TRIM14: variants seen among roughly 807,000 people sequenced by gnomAD.
The protein encoded by TRIM14 is tripartite motif-containing protein 14.
Under a neutral mutation model 44.5 loss-of-function variants are expected in TRIM14, and 28 were observed. The observed-to-expected ratio is 0.63, with a 90% CI of 0.47 to 0.86. The LOEUF is 0.86. Ranked by LOEUF, TRIM14 falls within the 40% of genes least tolerant of loss-of-function variation. The pLI, the probability that TRIM14 is intolerant of heterozygous loss-of-function variation, is 0.00. For synonymous variants in TRIM14, 299 were observed against 269.2 expected (o/e 1.11, Z -1.08); for missense variants, 607 against 611.1 (o/e 0.99, Z 0.07).
intron 1 of TRIM14, among the ~76,000 whole-genome samples, chr9:98,117,616 A>G (rs937528724): frequency 1.3e-5 from 2 of 152,146 alleles, no homozygotes; most frequent in Non-Finnish European, 1.5e-5. Context: ...TTTAATGTAA[A>G]TTCTTGGTAA....
the TRIM14 span, among the ~76,000 whole-genome samples, chr9:98,058,459 A>G: frequency 6.6e-6 from 1 of 152,206 alleles, no homozygotes; most frequent in Non-Finnish European, 1.5e-5. Flanking sequence ...AGTATAATAA[A>G]TACAGTAAGG....
intron 2 of TRIM14, among the ~76,000 whole-genome samples, chr9:98,101,109 G>A (rs1826372395): frequency 6.6e-6 from 1 of 151,652 alleles, no homozygotes; most frequent in Non-Finnish European, 1.5e-5. Context: ...CTGAGTAGCT[G>A]GGATTACAAG....
chr9:98,043,642 A>T, the TRIM14 span, among the ~76,000 whole-genome samples: 13 of 152,142 alleles, frequency 8.5e-5, no homozygotes, highest in African/African-American at 3.1e-4. Context: ...ACACACAGAC[A>T]CACATACACA....
the TRIM14 span, chr9:98,056,765 C>T: frequency 2.5e-6 from 4 of 1,595,026 alleles, no homozygotes; most frequent in South Asian, 1.1e-5. Context: ...CGGCGGCGGC[C>T]GGACCCAGAC....
Position 98,112,999 on chromosome 9 carries a change from A to G in TRIM14, c.208-3015T>C, listed in dbSNP as rs535408861. 4.7e-5 allele frequency among the ~76,000 whole-genome samples: 7 copies of G among 150,200 alleles called. No individual in the cohort carries two copies. The South Asian group carries it at 1.1e-3, about 23-fold the overall frequency. ...CATGGTGTTGTGCACCTGTAGTCCT[A>G]GCTACTCGGGAGGCTAAGGCAGGAA... On this transcript the variant is annotated intron_variant, in intron 1 of 5. Transcript: ENST00000341469.
intron 3 of TRIM14, among the ~76,000 whole-genome samples, chr9:98,097,073 C>T (rs1432837971): frequency 3.9e-5 from 6 of 152,044 alleles, no homozygotes; most frequent in African/African-American, 9.7e-5. Context: ...ACGTGCTTGT[C>T]GTCTCAGCTC....
chr9:98,073,138 C>CCCTT (rs1344466775), intron 6 of TRIM14, among the ~76,000 whole-genome samples: 2 of 152,142 alleles, frequency 1.3e-5, no homozygotes, highest in African/African-American at 4.8e-5. Flanking sequence ...AGCAAAGCCG[C>CCCTT]CCTTCCCTCC....
chr9:98,087,218 G>A lies in TRIM14; in HGVS notation c.*252C>T. The A allele has an allele frequency of 1.3e-6, 1 of 769,042 alleles. No homozygotes were observed. Among genetic ancestry groups the A allele is most frequent in the East Asian group, 2.5e-5 (1 of 40,234 alleles). 47.6% of individuals were successfully genotyped at this position (769,042 alleles called of 1,614,324 possible). A position where few individuals can be genotyped will look rare whatever the true frequency, so the allele number is the denominator to read the frequency against. ...TTTGAAGGAACTGGATTAAAGTAGT[G>A]TAAGTGATGGTGGGGTGAGGGTGCG... On this transcript the variant is annotated 3_prime_UTR_variant, in exon 6 of 6. Transcript: ENST00000341469.
intron 4 of TRIM14, among the ~76,000 whole-genome samples, chr9:98,093,792 T>C (rs1826083033): frequency 6.6e-6 from 1 of 152,052 alleles, no homozygotes; most frequent in Non-Finnish European, 1.5e-5. Context: ...GTCACCCAGG[T>C]TGAAGTACAG....
the TRIM14 span, among the ~76,000 whole-genome samples, chr9:98,039,343 A>AAGAGG: frequency 6.6e-6 from 1 of 152,184 alleles, no homozygotes; most frequent in Non-Finnish European, 1.5e-5. Context: ...AAAGAGCTCT[A>AAGAGG]ACTTAACTGA....
At chr9:98,057,222 C>G in the TRIM14 span, among the ~76,000 whole-genome samples, 1 of 152,220 alleles carries the variant, frequency 6.6e-6, no homozygotes, top group Non-Finnish European at 1.5e-5. Context: ...TCAGACCATC[C>G]CCCCTGCCTG....
chr9:98,106,276 G>A (rs1826606906), intron 2 of TRIM14, among the ~76,000 whole-genome samples: 1 of 152,156 alleles, frequency 6.6e-6, no homozygotes, highest in African/African-American at 2.4e-5. Context: ...GCATATACAG[G>A]AAAAAAATCT....
At chr9:98,088,081 G>T in intron 5 of TRIM14, 76 bp from the exon 6 acceptor site, 4 of 1,364,536 alleles carry the variant, frequency 2.9e-6, no homozygotes, top group Non-Finnish European at 3.8e-6. Context: ...ACCCACCAAC[G>T]CACGTGCAAA....
At chr9:98,065,483 ATTTTTTTTT>A (rs397837187), downstream of TRIM14, among the ~76,000 whole-genome samples, 40 of 58,630 alleles carry the variant, frequency 6.8e-4, 1 homozygote, top group Admixed American at 5.0e-3. Flanking sequence ...TGCCCAGCTA[ATTTTTTTTT>A]TTTTTTTTTT....
At chr9:98,091,866 A>ATCTCCACCG (rs1564175430) in intron 5 of TRIM14, 43 bp downstream of exon 5, 1 of 1,372,308 alleles carries the variant, frequency 7.3e-7, no homozygotes. Flanking sequence ...ACATCCCACC[A>ATCTCCACCG]TCTCCACCGT....
chr9:98,059,518 G>A, the TRIM14 span, among the ~76,000 whole-genome samples: 1 of 152,016 alleles, frequency 6.6e-6, no homozygotes, highest in East Asian at 1.9e-4. Context: ...GGGATCAAGC[G>A]ATCCTCCCCC....
Position 98,085,182 on chromosome 9 carries a change from A to T in TRIM14, c.*2288T>A, listed in dbSNP as rs1368983402. ...AAGTCTCGCAGAGTAACCAGGCACT[A>T]GGAAAGCATCATGGGCAGTAGCTCC... On this transcript the variant is annotated 3_prime_UTR_variant, in exon 6 of 6. Transcript: ENST00000341469. The T allele has an allele frequency of 6.6e-6, 1 of 152,348 alleles. No individual in the cohort carries two copies. Among genetic ancestry groups the T allele is most frequent in the Non-Finnish European group, 1.5e-5 (1 of 68,140 alleles). The allele number at this position is 152,348 out of a possible 1,614,324, so 9.4% of individuals were successfully genotyped here.
the TRIM14 span, among the ~76,000 whole-genome samples, chr9:98,047,749 A>G: frequency 6.6e-6 from 1 of 152,094 alleles, no homozygotes; most frequent in African/African-American, 2.4e-5. Context: ...GGATCAGAGA[A>G]GCATGCTCTT....
chr9:98,096,462 G>C (rs1027085785), intron 3 of TRIM14, among the ~76,000 whole-genome samples: 2 of 152,130 alleles, frequency 1.3e-5, no homozygotes, highest in Non-Finnish European at 2.9e-5. Flanking sequence ...GAGGACACAT[G>C]GCACCACCTG....
Sources: allele counts gnomAD v4.1 joint callset (sites outside exome capture counted in the v4.1 genomes callset), GRCh38; gene constraint gnomAD v4.1.1; transcripts MANE v1.5; gene names NCBI Gene and HGNC (gene_info 2026-07-23, HGNC 2026-07-21).